CPA6: variants seen among roughly 807,000 people sequenced by gnomAD.
CPA6 encodes the protein carboxypeptidase A6.
In CPA6, 58 loss-of-function variants were observed where a neutral mutation model predicts 63.3. That is an observed-to-expected ratio of 0.92 (90% confidence interval 0.74 to 1.14). The LOEUF (loss-of-function observed/expected upper bound fraction) is 1.14, where lower values mean the gene tolerates loss of function less well. CPA6 is among the 50% of genes most tolerant of loss of function. The pLI is 0.00. For synonymous variants in CPA6, 185 were observed against 179.0 expected (o/e 1.03, Z -0.27); for missense variants, 565 against 526.6 (o/e 1.07, Z -0.71).
chr8:67,728,423 G>A (rs936891527), intron 1 of CPA6, among the ~76,000 whole-genome samples: 2 of 151,906 alleles, frequency 1.3e-5, no homozygotes, highest in Non-Finnish European at 2.9e-5. Context: ...ATAGAATCTT[G>A]AGCATTAAAA....
At chr8:67,570,218 G>A (rs955579470) in intron 2 of CPA6, 1 of 152,060 alleles carries the variant, frequency 6.6e-6, no homozygotes, top group Non-Finnish European at 1.5e-5. Flanking sequence ...ATCCAGAAAA[G>A]CTGTCTTTCA....
At chr8:67,450,848 C>G (rs1345353106) in intron 8 of CPA6, among the ~76,000 whole-genome samples, 2 of 152,176 alleles carry the variant, frequency 1.3e-5, no homozygotes, top group African/African-American at 2.4e-5. Flanking sequence ...TGGTGCGGTA[C>G]AGACCCAACA....
At chr8:67,545,358 C>A (rs190009877) in intron 2 of CPA6, among the ~76,000 whole-genome samples, 1 of 152,050 alleles carries the variant, frequency 6.6e-6, no homozygotes, top group Non-Finnish European at 1.5e-5. Context: ...ATAAATCTAA[C>A]GGCCACTTTT....
chr8:67,477,958 T>C (rs566904373), intron 8 of CPA6, among the ~76,000 whole-genome samples: 1 of 152,318 alleles, frequency 6.6e-6, no homozygotes, highest in African/African-American at 2.4e-5. Context: ...CTTTAGACTC[T>C]CTGGAGTGAT....
chr8:67,510,921 T>A, intron 4 of CPA6, among the ~76,000 whole-genome samples: 1 of 152,222 alleles, frequency 6.6e-6, no homozygotes. Flanking sequence ...GGGCATGTAA[T>A]TCACTAGGTG....
In CPA6 at chr8:67,511,541, T is replaced by G; in HGVS notation, c.432A>C (p.Glu144Asp). ...YNYEVYHSLE[E>D]IQNWMHHLNK... is the part of the protein sequence containing the mutation. ...AGAAAAAGCTCTTTTGATTACATAC[T>G]TCTTCTAAGGAGTGATAAACTTCAT... The change falls in exon 4 of 11, where the codon GAA becomes GAC. Residue 144 changes from glutamate to aspartate, a missense_variant and splice_region_variant. Physicochemically the swap from Glu to Asp is conservative, Grantham distance 45. Transcript: ENST00000297770. 6.5e-7 allele frequency: 1 copy of G among 1,544,280 alleles called. No homozygotes were observed. The highest frequency in any genetic ancestry group is 2.2e-5 in the East Asian group (1 of 44,478).
At chr8:67,499,735 G>T (rs960065240) in intron 6 of CPA6, among the ~76,000 whole-genome samples, 2 of 152,130 alleles carry the variant, frequency 1.3e-5, no homozygotes, top group Non-Finnish European at 2.9e-5. Context: ...ATATATAAAT[G>T]AAATAATACA....
At chr8:67,429,160 G>T (rs78179445) in intron 9 of CPA6, among the ~76,000 whole-genome samples, 1,885 of 152,232 alleles carry the variant, frequency 0.012, 32 homozygotes, top group African/African-American at 0.043. Context: ...CAGGTACTGC[G>T]AAGAGGTAGA....
At chr8:67,583,961 T>C (rs1813848391) in intron 2 of CPA6, among the ~76,000 whole-genome samples, 1 of 152,032 alleles carries the variant, frequency 6.6e-6, no homozygotes, top group African/African-American at 2.4e-5. Context: ...ATCGAGACCA[T>C]CCTGGCCAAC....
At chr8:67,463,584 A>T (rs1810862249) in intron 8 of CPA6, among the ~76,000 whole-genome samples, 1 of 152,184 alleles carries the variant, frequency 6.6e-6, no homozygotes, top group South Asian at 2.1e-4. Context: ...AGTATGTTGC[A>T]TCATTCTGAG....
chr8:67,561,763 GT>G (rs1813218502), intron 2 of CPA6, among the ~76,000 whole-genome samples: 3 of 152,140 alleles, frequency 2.0e-5, no homozygotes, highest in Non-Finnish European at 2.9e-5. Context: ...GAATGTCCTT[GT>G]TTAAAGGAAA....
chr8:67,438,254 C>T (rs765191357), intron 8 of CPA6, among the ~76,000 whole-genome samples: 8 of 152,102 alleles, frequency 5.3e-5, no homozygotes, highest in Non-Finnish European at 1.2e-4. Flanking sequence ...ATTGAATAGA[C>T]TTATTGTGCA....
At chr8:67,732,809 C>T (rs1817731556) in intron 1 of CPA6, 1 of 152,238 alleles carries the variant, frequency 6.6e-6, no homozygotes, top group African/African-American at 2.4e-5. Context: ...CAGTCTGGAC[C>T]AGAGCAGCAG....
At chr8:67,474,738 G>A (rs955554563) in intron 8 of CPA6, among the ~76,000 whole-genome samples, 8 of 152,246 alleles carry the variant, frequency 5.3e-5, no homozygotes, top group African/African-American at 1.9e-4. Context: ...CACTTTGGGA[G>A]GCTGAGTTGG....
intron 2 of CPA6, among the ~76,000 whole-genome samples, chr8:67,559,166 G>A (rs1813140252): frequency 6.6e-6 from 1 of 152,024 alleles, no homozygotes; most frequent in African/African-American, 2.4e-5. Context: ...ATTTCTCTTT[G>A]TCCCACTCTT....
At chr8:67,427,699 T>C (rs1216768649) in intron 10 of CPA6, among the ~76,000 whole-genome samples, 4 of 152,132 alleles carry the variant, frequency 2.6e-5, no homozygotes, top group East Asian at 1.9e-4. Context: ...GGCTGAAACA[T>C]TTACCTCATT....
In CPA6 at chr8:67,658,882, C is replaced by T. The variant is rs115293557; in HGVS notation, c.117-34631G>A. Among the ~76,000 whole-genome samples, 970 of 152,274 alleles carry T rather than the reference C, an allele frequency of 6.4e-3. 11 individuals carry two copies. The highest frequency in any genetic ancestry group is 0.021 in the African/African-American group (854 of 41,552). On this transcript the variant is annotated intron_variant, in intron 1 of 10. Transcript: ENST00000297770. ...TGAGTCTTTCTTCCTCCTCTCCCCT[C>T]TGCTGCTCCTCTCTCATTCTCTTTT...
rs1213727423 is a variant in CPA6 at position 67,475,916 on chromosome 8, TTCTTTCTTTCTTTCTTTC to T, written c.838+7834_838+7851del. Among the ~76,000 whole-genome samples the T allele has an allele frequency of 6.8e-3, 690 of 101,984 alleles. 20 individuals are homozygous for T. The highest frequency in any genetic ancestry group is 0.02 in the Middle Eastern group (4 of 200). 66.9% of individuals were successfully genotyped at this position (101,984 alleles called of 152,430 possible). On this transcript the variant is annotated intron_variant, in intron 8 of 10. Transcript: ENST00000297770. ...TTTCTTTCTTTCTTTCTTTCTTTCT[TTCTTTCTTTCTTTCTTTC>T]TCTTTCTTTCTCTGTCTTTCTTTCT...
At chr8:67,610,077 C>CA (rs1400009343) in intron 2 of CPA6, among the ~76,000 whole-genome samples, 5 of 151,600 alleles carry the variant, frequency 3.3e-5, no homozygotes, top group African/African-American at 9.7e-5. Flanking sequence ...CCCCAAAAAC[C>CA]AAAAAACCAT....
Sources: gnomAD v4.1 joint callset for allele counts (sites outside exome capture counted in the v4.1 genomes callset) on GRCh38, gnomAD v4.1.1 for gene constraint, MANE v1.5 for transcripts, NCBI Gene and HGNC (gene_info 2026-07-23, HGNC 2026-07-21) for gene names.